PROKR2: variants seen among roughly 807,000 people sequenced by gnomAD.
PROKR2 encodes the protein prokineticin receptor 2, also known as G protein-coupled receptor 73-like 1.
In PROKR2, 26 loss-of-function variants were observed where a neutral mutation model predicts 23.4. The observed-to-expected ratio is 1.11, with a 90% CI of 0.81 to 1.54. The LOEUF (loss-of-function observed/expected upper bound fraction) is 1.54, where lower values mean the gene tolerates loss of function less well. Ranked by LOEUF, PROKR2 falls within the 40% of genes most tolerant of loss-of-function variation. The probability of loss-of-function intolerance (pLI) is 0.00; values close to 1 mark genes in which losing one functional copy is unlikely to be tolerated. For missense variants in PROKR2, 453 were observed against 511.5 expected (o/e 0.89, Z 1.10); for synonymous variants, 212 against 201.2 (o/e 1.05, Z -0.45).
At chr20:5,303,767 C>G (rs922739842) in intron 2 of PROKR2, among the ~76,000 whole-genome samples, 1 of 152,078 alleles carries the variant, frequency 6.6e-6, no homozygotes, top group African/African-American at 2.4e-5. Context: ...AGGGAGGAAA[C>G]AAATCAACCC....
Position 5,314,064 on chromosome 20 carries a change from C to T in PROKR2, c.306G>A (p.Val102=), listed in dbSNP as rs978273579. ...TCTCGAAGGGGCAGCAGATGATGGC[C>T]ACCAGGAAGTCGGAGATGGCCAGGT... ...IANLAISDFL[V]AIICCPFEMD... The change falls in exon 2 of 3, where the codon GTG becomes GTA. Residue 102 remains valine (V), a synonymous_variant. Coordinates refer to ENST00000678254, the MANE Select transcript of PROKR2 (RefSeq NM_144773.4). 4 of 1,614,206 alleles carry T rather than the reference C, an allele frequency of 2.5e-6. No homozygotes were observed. Among genetic ancestry groups the T allele is most frequent in the Non-Finnish European group, 3.4e-6 (4 of 1,180,054 alleles).
Position 5,314,071 on chromosome 20 carries a change from A to G in PROKR2, c.299T>C (p.Phe100Ser), listed in dbSNP as rs1979551024. 1.2e-6 allele frequency: 2 copies of G among 1,614,094 alleles called. No individual in the cohort carries two copies. The highest frequency in any genetic ancestry group is 1.7e-6 in the Non-Finnish European group (2 of 1,180,052). Residue 100 changes from phenylalanine to serine, a missense_variant, in exon 2 of 3, where the codon TTC becomes TCC. By Grantham distance (155) the Phe-to-Ser change is radical. Transcript: ENST00000678254. ...LLIANLAISD[F>S]LVAIICCPFE... ...GGGGCAGCAGATGATGGCCACCAGG[A>G]AGTCGGAGATGGCCAGGTTGGCAAT...
At chr20:5,311,915 G>A (rs1017628631) in intron 2 of PROKR2, among the ~76,000 whole-genome samples, 3 of 152,170 alleles carry the variant, frequency 2.0e-5, no homozygotes, top group African/African-American at 4.8e-5. Context: ...GTGATCATGT[G>A]AGTTAATACT....
intron 2 of PROKR2, among the ~76,000 whole-genome samples, chr20:5,305,652 A>G (rs1435789960): frequency 6.6e-6 from 1 of 151,424 alleles, no homozygotes; most frequent in African/African-American, 2.4e-5. Context: ...CAAATTACTG[A>G]TAAACGTCCT....
intron 2 of PROKR2, among the ~76,000 whole-genome samples, chr20:5,306,306 T>C (rs556296095): frequency 1.3e-5 from 2 of 152,356 alleles, no homozygotes; most frequent in South Asian, 4.1e-4. Flanking sequence ...AAATGGAGAA[T>C]GTTAACTGAT....
chr20:5,302,781 A>G, intron 2 of PROKR2, 45 bp from the exon 3 acceptor site: 1 of 1,478,310 alleles, frequency 6.8e-7, no homozygotes, highest in Non-Finnish European at 9.5e-7. Flanking sequence ...GAATACGTGG[A>G]AACGTTAGTT....
At chr20:5,311,477 G>GAAACC (rs2122218914) in intron 2 of PROKR2, among the ~76,000 whole-genome samples, 1 of 152,312 alleles carries the variant, frequency 6.6e-6, no homozygotes, top group Non-Finnish European at 1.5e-5. Flanking sequence ...TACAAAAAAT[G>GAAACC]AAACCAAACC....
intron 2 of PROKR2, among the ~76,000 whole-genome samples, chr20:5,303,932 G>A (rs1010849271): frequency 5.3e-5 from 8 of 152,132 alleles, no homozygotes; most frequent in African/African-American, 1.9e-4. Flanking sequence ...TTCCACCTTG[G>A]AACTTTTTCA....
intron 2 of PROKR2, among the ~76,000 whole-genome samples, chr20:5,307,650 G>A (rs1406333118): frequency 6.6e-6 from 1 of 152,214 alleles, no homozygotes; most frequent in Non-Finnish European, 1.5e-5. Flanking sequence ...CAGTCTGCGT[G>A]CCATGGCCAC....
rs972702294 is a variant in PROKR2 at position 5,299,477 on chromosome 20, T to A, written c.*2563A>T. On this transcript the variant is annotated 3_prime_UTR_variant, in exon 3 of 3. Coordinates refer to ENST00000678254, the MANE Select transcript of PROKR2 (RefSeq NM_144773.4). The stretch of plus-strand genomic sequence containing the variant: ...ATAAATAAAAATACAATTATTATAT[T>A]TATAGAAATGTACATAACCTAAAAT... Among the ~76,000 whole-genome samples, 1 of 151,588 alleles carries A rather than the reference T, an allele frequency of 6.6e-6. No homozygotes were observed. Among genetic ancestry groups the A allele is most frequent in the East Asian group, 1.9e-4 (1 of 5,184 alleles).
intron 2 of PROKR2, among the ~76,000 whole-genome samples, chr20:5,306,647 G>A (rs886239160): frequency 3.9e-5 from 6 of 152,200 alleles, no homozygotes; most frequent in African/African-American, 1.2e-4. Flanking sequence ...GGTATTGACT[G>A]CTTTTGATAT....
Position 5,301,320 on chromosome 20 carries a change from A to C in PROKR2, c.*720T>G, listed in dbSNP as rs942837580. ...CAATCTCAGCTCACTGCAAACTCCA[A>C]CTCCCAGGTTCAAGCTATTCTCCTG... On this transcript the variant is annotated 3_prime_UTR_variant, in exon 3 of 3. Transcript: ENST00000678254. 2.6e-5 allele frequency among the ~76,000 whole-genome samples: 4 copies of C among 152,120 alleles called. No individual in the cohort carries two copies. In the South Asian group the frequency reaches 6.2e-4, roughly 24 times the overall value.
rs118005017 is a variant in PROKR2 at position 5,311,206 on chromosome 20, T to C, written c.458+2706A>G. ...GCATTATGATGGCCCAGCTATGACT[T>C]GCTAAGAGATAAAGCTGGAAGGAGA... On this transcript the variant is annotated intron_variant, in intron 2 of 2. Coordinates refer to ENST00000678254, the MANE Select transcript of PROKR2 (RefSeq NM_144773.4). Among the ~76,000 whole-genome samples the C allele has an allele frequency of 1.3e-3, 191 of 152,294 alleles. 2 individuals are homozygous for C. The East Asian group carries it at 0.019, about 15-fold the overall frequency.
chr20:5,313,387 GTT>G (rs1367646249), intron 2 of PROKR2, among the ~76,000 whole-genome samples: 2 of 152,110 alleles, frequency 1.3e-5, no homozygotes, highest in African/African-American at 4.8e-5. Flanking sequence ...CAGCACATAC[GTT>G]ATGTTTTTTT....
intron 2 of PROKR2, among the ~76,000 whole-genome samples, chr20:5,311,276 G>A (rs796569138): frequency 6.6e-5 from 10 of 152,164 alleles, no homozygotes; most frequent in African/African-American, 2.4e-4. Context: ...GGTGGGGTGA[G>A]TGGAGGCAGG....
At chr20:5,313,204 G>GA (rs1273051840) in intron 2 of PROKR2, among the ~76,000 whole-genome samples, 1 of 152,078 alleles carries the variant, frequency 6.6e-6, no homozygotes, top group Non-Finnish European at 1.5e-5. Context: ...TAAAGGAAAG[G>GA]AAAAAATAAA....
chr20:5,301,926 C>T lies in PROKR2; in HGVS notation c.*114G>A, dbSNP rs992783561. ...TTTGCAGCATTCAGCTTCTTGAGGG[C>T]ACGGGGGAGGCATGAACACAGATGT... On this transcript the variant is annotated 3_prime_UTR_variant, in exon 3 of 3. Transcript: ENST00000678254. 2 of 944,480 alleles carry T rather than the reference C, an allele frequency of 2.1e-6. No individual in the cohort carries two copies. Among genetic ancestry groups the T allele is most frequent in the Non-Finnish European group, 3.2e-6 (2 of 625,270 alleles). 58.5% of individuals were successfully genotyped at this position (944,480 alleles called of 1,614,324 possible).
At position 5,316,720 on chromosome 20, in the gene PROKR2, A is replaced by G. The variant is rs1202351860; in HGVS notation, c.-235T>C. 6.6e-6 allele frequency among the ~76,000 whole-genome samples: 1 copy of G among 152,136 alleles called. No homozygotes were observed. Among genetic ancestry groups the G allele is most frequent in the East Asian group, 1.9e-4 (1 of 5,162 alleles). ...GCTGGAGTTGGCGCTCCGGCCCCACAGCTCTTTCCAGCGTCTCGGACCTGT... is the reference window on the plus strand; with the variant it reads ...GCTGGAGTTGGCGCTCCGGCCCCACGGCTCTTTCCAGCGTCTCGGACCTGT... On this transcript the variant is annotated 5_prime_UTR_variant, in exon 1 of 3. Coordinates refer to ENST00000678254, the MANE Select transcript of PROKR2 (RefSeq NM_144773.4). The surrounding 1 kb of genome is among the most constrained non-coding windows in gnomAD (Gnocchi z 5.0).
chr20:5,303,008 C>G (rs1028070281), intron 2 of PROKR2, among the ~76,000 whole-genome samples: 1 of 152,194 alleles, frequency 6.6e-6, no homozygotes, highest in Admixed American at 6.5e-5. Flanking sequence ...TTCAATCTCC[C>G]TGAGATTTAT....
Sources: gnomAD v4.1 joint callset for allele counts (sites outside exome capture counted in the v4.1 genomes callset) on GRCh38, gnomAD v4.1.1 for gene constraint, Gnocchi (gnomAD v3.1) non-coding constraint, MANE v1.5 for transcripts, NCBI Gene and HGNC (gene_info 2026-07-23, HGNC 2026-07-21) for gene names.